The following SSPN variants were observed in gnomAD, a reference collection of about 807,000 sequenced individuals.
The protein encoded by SSPN is K-ras oncogene-associated protein.
SSPN carries 15 observed loss-of-function variants against 19.1 expected under a neutral mutation model. The ratio of observed to expected loss-of-function variants is 0.78; its 90% CI spans 0.52 to 1.21. SSPN has a LOEUF of 1.21. SSPN is among the 50% of genes most tolerant of loss of function. The pLI is 0.00. For synonymous variants in SSPN, 147 were observed against 140.3 expected (o/e 1.05, Z -0.34); for missense variants, 291 against 314.0 (o/e 0.93, Z 0.55).
At chr12:26,151,381 T>C (rs1407507608) in intron 1 of SSPN, among the ~76,000 whole-genome samples, 2 of 149,352 alleles carry the variant, frequency 1.3e-5, no homozygotes. Context: ...TTCTCAACCA[T>C]AAAAAAAAAA....
At chr12:26,128,373 G>T (rs530633615) in intron 1 of SSPN, among the ~76,000 whole-genome samples, 3 of 152,360 alleles carry the variant, frequency 2.0e-5, no homozygotes, top group Non-Finnish European at 4.4e-5. Flanking sequence ...GAGTCATTCA[G>T]TTGGCATCTA....
chr12:26,128,957 G>A lies in SSPN; in HGVS notation c.-31+6805G>A, dbSNP rs541773763. ...TATATTCACCCTGTGACTTTAGAAG[G>A]CCTTATCCTGTTTGCAAAGTCTTGG... On this transcript the variant is annotated intron_variant, in intron 1 of 2. Coordinates refer to the SSPN transcript ENST00000538142. Among the ~76,000 whole-genome samples, 3 of 152,252 alleles carry A rather than the reference G, an allele frequency of 2.0e-5. No individual in the cohort carries two copies. The South Asian group carries it at 6.2e-4, about 32-fold the overall frequency.
Position 26,212,821 on chromosome 12 carries a change from CT to C in SSPN, c.280-11470del, listed in dbSNP as rs1028101199. Among the ~76,000 whole-genome samples, 5 of 152,040 alleles carry C rather than the reference CT, an allele frequency of 3.3e-5. 1 individual carries two copies. The highest frequency in any genetic ancestry group is 3.3e-4 in the Admixed American group (5 of 15,266). On this transcript the variant is annotated intron_variant, in intron 1 of 2. Transcript: ENST00000242729. The stretch of plus-strand genomic sequence containing the variant: ...GATTTTGTTCACAGTGAAAAAGAAG[CT>C]TCTATTTTGAGCTTGGTTAGATAAA...
chr12:26,128,212 A>G (rs146331994), intron 1 of SSPN, among the ~76,000 whole-genome samples: 11 of 152,288 alleles, frequency 7.2e-5, no homozygotes, highest in Middle Eastern at 3.4e-3. Flanking sequence ...ATTTACCAGT[A>G]TAAGTGTGCA....
At chr12:26,214,390 A>G (rs918237874) in intron 1 of SSPN, among the ~76,000 whole-genome samples, 1 of 152,200 alleles carries the variant, frequency 6.6e-6, no homozygotes, top group African/African-American at 2.4e-5. Context: ...TGCAGTGGCT[A>G]AGAGCCAGGC....
chr12:26,123,289 C>T (rs1025891829), intron 1 of SSPN: 48 of 1,313,690 alleles, frequency 3.7e-5, no homozygotes, highest in South Asian at 2.8e-4. Flanking sequence ...CTCGGTTTTT[C>T]CCCAGTATTC....
upstream of SSPN, among the ~76,000 whole-genome samples, chr12:26,195,127 A>C (rs1221967700): frequency 6.6e-6 from 1 of 152,250 alleles, no homozygotes; most frequent in African/African-American, 2.4e-5. Flanking sequence ...AAGTAGGAAG[A>C]AAAGAGCCTG....
chr12:26,141,021 C>A (rs1434121957), intron 1 of SSPN, among the ~76,000 whole-genome samples: 3 of 152,118 alleles, frequency 2.0e-5, no homozygotes, highest in African/African-American at 7.2e-5. Context: ...CTATAGTAGG[C>A]AGAATAATGG....
At chr12:26,193,311 C>T (rs1944800316), upstream of SSPN, among the ~76,000 whole-genome samples, 1 of 152,182 alleles carries the variant, frequency 6.6e-6, no homozygotes, top group Admixed American at 6.5e-5. Context: ...CACTTACCCC[C>T]ATTCATAAGT....
At chr12:26,186,219 A>C (rs193046052) in intron 1 of SSPN, among the ~76,000 whole-genome samples, 56 of 151,852 alleles carry the variant, frequency 3.7e-4, no homozygotes, top group African/African-American at 1.1e-3. Flanking sequence ...AAAAAACAAC[A>C]ACCATTTTAA....
chr12:26,168,861 G>T (rs1022044955), intron 1 of SSPN, among the ~76,000 whole-genome samples: 7 of 152,170 alleles, frequency 4.6e-5, no homozygotes, highest in Admixed American at 2.6e-4. Flanking sequence ...TGCCACAATG[G>T]TTAATGTGGT....
In SSPN at chr12:26,128,674, G is replaced by T. The variant is rs1944380532; in HGVS notation, c.-31+6522G>T. On this transcript the variant is annotated intron_variant, in intron 1 of 2. Coordinates refer to the SSPN transcript ENST00000538142. Reference sequence around the variant, plus strand: ...GGTTGAGTCTTATCTTTTTAGGAAAGCTTAATGCTATCCTGCTGAAAGCCA... The same window carrying T: ...GGTTGAGTCTTATCTTTTTAGGAAATCTTAATGCTATCCTGCTGAAAGCCA... Among the ~76,000 whole-genome samples, 3 of 152,212 alleles carry T rather than the reference G, an allele frequency of 2.0e-5. No individual in the cohort carries two copies. The South Asian group carries it at 6.2e-4, about 31-fold the overall frequency.
intron 2 of SSPN, among the ~76,000 whole-genome samples, chr12:26,225,154 T>C (rs1336752044): frequency 6.6e-6 from 1 of 152,132 alleles, no homozygotes; most frequent in Non-Finnish European, 1.5e-5. Flanking sequence ...CATTGTTTTT[T>C]CTTCTACAAG....
intron 1 of SSPN, among the ~76,000 whole-genome samples, chr12:26,153,657 A>T (rs1404988470): frequency 6.6e-6 from 1 of 152,240 alleles, no homozygotes; most frequent in Non-Finnish European, 1.5e-5. Flanking sequence ...AGAGGCTTGC[A>T]GTCAGTGTGG....
upstream of SSPN, among the ~76,000 whole-genome samples, chr12:26,190,496 G>A (rs73086984): frequency 1.0e-3 from 153 of 152,296 alleles, no homozygotes; most frequent in East Asian, 7.9e-3. Flanking sequence ...GCTGAGAGTC[G>A]AGAGATAACA....
intron 1 of SSPN, among the ~76,000 whole-genome samples, chr12:26,140,270 T>C (rs543474892): frequency 6.6e-6 from 1 of 152,356 alleles, no homozygotes; most frequent in South Asian, 2.1e-4. Context: ...TTCATCATTC[T>C]CAGTCAATGA....
chr12:26,222,590 T>C (rs1445448806), intron 1 of SSPN, among the ~76,000 whole-genome samples: 5 of 152,244 alleles, frequency 3.3e-5, no homozygotes, highest in African/African-American at 1.2e-4. Context: ...GTCTCTAGGA[T>C]AATTGTGCTT....
intron 1 of SSPN, among the ~76,000 whole-genome samples, chr12:26,137,636 G>GTGTATATATATATA (rs1555175653): frequency 4.5e-4 from 14 of 31,372 alleles, no homozygotes; most frequent in African/African-American, 1.6e-3. Flanking sequence ...GTGTGTGTAT[G>GTGTATATATATATA]TATATATATA....
intron 1 of SSPN, among the ~76,000 whole-genome samples, chr12:26,176,617 T>C (rs1386577340): frequency 6.6e-6 from 1 of 152,112 alleles, no homozygotes; most frequent in Non-Finnish European, 1.5e-5. Context: ...ATTTCTTCTC[T>C]TCTCAAGTGC....
Sources: allele counts gnomAD v4.1 joint callset (sites outside exome capture counted in the v4.1 genomes callset), GRCh38; gene constraint gnomAD v4.1.1; transcripts MANE v1.5; gene names NCBI Gene and HGNC (gene_info 2026-07-23, HGNC 2026-07-21).